MEF2C: variants seen among roughly 807,000 people sequenced by gnomAD.
MEF2C encodes myocyte-specific enhancer factor 2C.
Under a neutral mutation model 50.5 loss-of-function variants are expected in MEF2C, and 6 were observed. The observed-to-expected ratio is 0.12, with a 90% confidence interval of 0.07 to 0.23. The LOEUF is 0.23. Ranked by LOEUF, MEF2C falls within the 10% of genes least tolerant of loss-of-function variation. The pLI is 1.00. For missense variants in MEF2C, 276 were observed against 605.0 expected, an observed-to-expected ratio of 0.46 and a Z score of 5.70; for synonymous variants, 183 against 228.0, an observed-to-expected ratio of 0.80 and a Z score of 1.78.
intron 6 of MEF2C, chr5:88,737,705 C>G: frequency 2.0e-6 from 2 of 985,258 alleles, no homozygotes; most frequent in Non-Finnish European, 2.4e-6. Context: ...AGAGAGATCT[C>G]AGAGTTTAGA....
At chr5:88,812,761 T>G (rs1462113240) in intron 2 of MEF2C, among the ~76,000 whole-genome samples, 1 of 152,118 alleles carries the variant, frequency 6.6e-6, no homozygotes, top group Non-Finnish European at 1.5e-5. Flanking sequence ...TCCCCAGACT[T>G]GTTCCTGGAT....
chr5:88,829,679 T>A (rs919340107), intron 1 of MEF2C, among the ~76,000 whole-genome samples: 1 of 152,036 alleles, frequency 6.6e-6, no homozygotes, highest in Admixed American at 6.6e-5. Flanking sequence ...TTACATAGCA[T>A]CTCCTATGTG....
intron 1 of MEF2C, 90 bp from the exon 2 acceptor site, chr5:88,824,020 T>G: frequency 1.7e-6 from 2 of 1,179,726 alleles, no homozygotes; most frequent in Middle Eastern, 2.1e-4. Context: ...GGAAATAAAC[T>G]ATATGGAGCT....
chr5:88,869,279 A>G (rs907401022), intron 1 of MEF2C, among the ~76,000 whole-genome samples: 15 of 32,280 alleles, frequency 4.6e-4, no homozygotes, highest in African/African-American at 1.9e-3. Context: ...ATATATATAC[A>G]TATATATATA....
intron 6 of MEF2C, chr5:88,736,653 T>C (rs1374754691): frequency 1.3e-5 from 13 of 985,250 alleles, no homozygotes; most frequent in Non-Finnish European, 1.4e-5. Flanking sequence ...TGTGCATTTG[T>C]GTGATGCTAA....
intron 6 of MEF2C, among the ~76,000 whole-genome samples, chr5:88,732,779 A>T (rs1177633236): frequency 6.6e-6 from 1 of 152,214 alleles, no homozygotes; most frequent in African/African-American, 2.4e-5. Context: ...ACTCAGAAAG[A>T]CATCTGCTGA....
chr5:88,757,042 C>G (rs1217883254), intron 4 of MEF2C, among the ~76,000 whole-genome samples: 1 of 151,598 alleles, frequency 6.6e-6, no homozygotes, highest in Non-Finnish European at 1.5e-5. Context: ...AGTATTTAAC[C>G]AAGTGCAGCC....
chr5:88,768,653 A>C, intron 3 of MEF2C: 1 of 983,640 alleles, frequency 1.0e-6, no homozygotes, highest in Non-Finnish European at 1.2e-6. Context: ...CATTCATGAC[A>C]AACTGAAATG....
At chr5:88,838,619 C>T in intron 1 of MEF2C, 1 of 985,260 alleles carries the variant, frequency 1.0e-6, no homozygotes, top group Non-Finnish European at 1.2e-6. Flanking sequence ...AAGCTTGAAG[C>T]AGTCATTTTG....
chr5:88,859,278 G>A (rs1447503131), intron 1 of MEF2C, among the ~76,000 whole-genome samples: 1 of 152,180 alleles, frequency 6.6e-6, no homozygotes, highest in Non-Finnish European at 1.5e-5. Context: ...GCTGCAGTGT[G>A]ACGGTATTCC....
rs557886383 is a variant in MEF2C at position 88,876,008 on chromosome 5, C to T, written c.-143+6947G>A. On this transcript the variant is annotated intron_variant, in intron 1 of 10. Coordinates refer to ENST00000504921, the MANE Select transcript of MEF2C (RefSeq NM_002397.5). The stretch of plus-strand genomic sequence containing the variant: ...AAAGAGTTTATTTTTCTTTCTTTAT[C>T]CTGAGTGTAATTACTGTTTTTTAAA... Among the ~76,000 whole-genome samples the T allele has an allele frequency of 2.1e-4, 32 of 150,812 alleles. No homozygotes were observed. In the South Asian group the frequency reaches 4.4e-3, roughly 21 times the overall value.
chr5:88,750,823 G>A (rs1205042922), intron 5 of MEF2C, among the ~76,000 whole-genome samples: 1 of 152,060 alleles, frequency 6.6e-6, no homozygotes, highest in Non-Finnish European at 1.5e-5. Context: ...TACATGTTTG[G>A]TTTTAATTGT....
intron 3 of MEF2C, among the ~76,000 whole-genome samples, chr5:88,778,979 T>G (rs1786315847): frequency 6.6e-6 from 1 of 152,234 alleles, no homozygotes; most frequent in African/African-American, 2.4e-5. Flanking sequence ...GGAGCTCCCC[T>G]GTTTTCTCTG....
intron 1 of MEF2C, among the ~76,000 whole-genome samples, chr5:88,828,957 CA>C (rs1238080622): frequency 6.6e-6 from 1 of 151,892 alleles, no homozygotes; most frequent in Non-Finnish European, 1.5e-5. Context: ...GCTATGAGTG[CA>C]TTCTGAGTTT....
At chr5:88,821,381 A>T (rs767050170) in intron 2 of MEF2C, among the ~76,000 whole-genome samples, 1 of 151,874 alleles carries the variant, frequency 6.6e-6, no homozygotes, top group Non-Finnish European at 1.5e-5. Flanking sequence ...GTGGTCCCCA[A>T]GTGGTTGGGA....
At chr5:88,735,676 C>T (rs190093952) in intron 6 of MEF2C, 1 of 985,370 alleles carries the variant, frequency 1.0e-6, no homozygotes, top group East Asian at 1.1e-4. Flanking sequence ...ATACATAGAA[C>T]TTGAATGTGG....
intron 5 of MEF2C, chr5:88,751,216 A>G: frequency 1.0e-6 from 1 of 984,292 alleles, no homozygotes. Flanking sequence ...TCTGAGAAAT[A>G]ATTTATTTTT....
intron 1 of MEF2C, among the ~76,000 whole-genome samples, chr5:88,842,124 G>A (rs1817604054): frequency 6.6e-6 from 1 of 151,908 alleles, no homozygotes; most frequent in East Asian, 1.9e-4. Flanking sequence ...GACCATTTGT[G>A]CAATCCTCTA....
chr5:88,847,383 T>A (rs1434018085), intron 1 of MEF2C, among the ~76,000 whole-genome samples: 1 of 152,186 alleles, frequency 6.6e-6, no homozygotes, highest in Non-Finnish European at 1.5e-5. Flanking sequence ...AGAATACCAA[T>A]GTAGTCCTAG....
Sources: allele counts gnomAD v4.1 joint callset (sites outside exome capture counted in the v4.1 genomes callset), GRCh38; gene constraint gnomAD v4.1.1; transcripts MANE v1.5; gene names NCBI Gene and HGNC (gene_info 2026-07-23, HGNC 2026-07-21).